MEIS1: variants seen among roughly 807,000 people sequenced by gnomAD.
The protein encoded by MEIS1 is Meis homeobox 1.
In MEIS1, 5 loss-of-function variants were observed where a neutral mutation model predicts 50.8. That is an observed-to-expected ratio of 0.10 (90% CI 0.05 to 0.21). MEIS1 has a LOEUF of 0.21. Among genes scored for constraint, MEIS1 ranks in the 10% least tolerant of loss-of-function variants. The probability of loss-of-function intolerance (pLI) is 1.00; values close to 1 mark genes in which losing one functional copy is unlikely to be tolerated. For missense variants in MEIS1, 318 were observed against 517.3 expected (o/e 0.61, Z 3.74); for synonymous variants, 176 against 179.3 (o/e 0.98, Z 0.15).
chr2:66,454,186 C>G (rs144298165), intron 6 of MEIS1, among the ~76,000 whole-genome samples: 76 of 152,140 alleles, frequency 5.0e-4, no homozygotes, highest in African/African-American at 1.8e-3. Flanking sequence ...ATGAGCACTT[C>G]ATTACATTAT....
intron 6 of MEIS1, among the ~76,000 whole-genome samples, chr2:66,454,190 A>G (rs965781529): frequency 6.6e-6 from 1 of 152,096 alleles, no homozygotes; most frequent in African/African-American, 2.4e-5. Context: ...GCACTTCATT[A>G]CATTATATTT....
chr2:66,540,206 A>C (rs891273263), intron 8 of MEIS1, among the ~76,000 whole-genome samples: 1 of 152,228 alleles, frequency 6.6e-6, no homozygotes, highest in Non-Finnish European at 1.5e-5. Flanking sequence ...TTGTACTGAC[A>C]AATAATGAGT....
intron 8 of MEIS1, among the ~76,000 whole-genome samples, chr2:66,535,747 G>A (rs1674502852): frequency 6.6e-6 from 1 of 151,156 alleles, no homozygotes; most frequent in Non-Finnish European, 1.5e-5. Flanking sequence ...TAAAGATAAA[G>A]GTAATCTGAT....
At chr2:66,543,482 T>C (rs1234365293) in intron 8 of MEIS1, among the ~76,000 whole-genome samples, 1 of 152,322 alleles carries the variant, frequency 6.6e-6, no homozygotes, top group Admixed American at 6.5e-5. Flanking sequence ...TTAGTTTCCC[T>C]TTGAGGCCAG....
intron 8 of MEIS1, among the ~76,000 whole-genome samples, chr2:66,519,272 T>C (rs546072063): frequency 1.3e-5 from 2 of 152,138 alleles, no homozygotes; most frequent in Admixed American, 6.5e-5. Flanking sequence ...CTTTGATAGA[T>C]TGAAAGCCAT....
At chr2:66,559,067 A>C (rs574445402) in intron 9 of MEIS1, among the ~76,000 whole-genome samples, 4 of 151,970 alleles carry the variant, frequency 2.6e-5, no homozygotes, top group Admixed American at 6.6e-5. Context: ...ACTTGAACCC[A>C]GGAGGCAGAA....
At chr2:66,539,553 A>G (rs1029929753) in intron 8 of MEIS1, among the ~76,000 whole-genome samples, 10 of 152,126 alleles carry the variant, frequency 6.6e-5, no homozygotes, top group African/African-American at 2.2e-4. Flanking sequence ...TGAACTTGAG[A>G]ACTTCCTTTG....
intron 6 of MEIS1, among the ~76,000 whole-genome samples, chr2:66,452,686 T>A (rs1672302598): frequency 1.3e-5 from 2 of 151,954 alleles, no homozygotes; most frequent in South Asian, 4.1e-4. Context: ...TTAACCCCCT[T>A]CCTTTCTTTC....
chr2:66,494,433 A>C (rs1244077334), intron 7 of MEIS1, among the ~76,000 whole-genome samples: 1 of 152,240 alleles, frequency 6.6e-6, no homozygotes, highest in Non-Finnish European at 1.5e-5. Flanking sequence ...ACTCTAAAGA[A>C]ATTTATTATC....
chr2:66,455,278 G>A (rs1301858853), intron 6 of MEIS1, among the ~76,000 whole-genome samples: 1 of 152,116 alleles, frequency 6.6e-6, no homozygotes, highest in Admixed American at 6.6e-5. Context: ...ATGGTCAATT[G>A]CCCTTTGGTT....
intron 7 of MEIS1, among the ~76,000 whole-genome samples, chr2:66,494,507 A>G (rs568456032): frequency 6.6e-6 from 1 of 152,330 alleles, no homozygotes; most frequent in African/African-American, 2.4e-5. Flanking sequence ...AGGAAATACA[A>G]TACTGAACAA....
rs187560563 is a variant in MEIS1 at position 66,465,329 on chromosome 2, T to G, written c.742+1109T>G. ...GAAAAGTTGCTGACTTCATCACAACTATAAGCCTAGTAAAAACGGAGCCCA... is the reference window on the plus strand; with the variant it reads ...GAAAAGTTGCTGACTTCATCACAACGATAAGCCTAGTAAAAACGGAGCCCA... On this transcript the variant is annotated intron_variant, in intron 7 of 12. Transcript: ENST00000272369. Among the ~76,000 whole-genome samples, 3 of 152,330 alleles carry G rather than the reference T, an allele frequency of 2.0e-5. No homozygotes were observed. In the East Asian group the frequency reaches 5.8e-4, roughly 29 times the overall value.
chr2:66,533,150 C>G (rs1674434668), intron 8 of MEIS1, among the ~76,000 whole-genome samples: 1 of 152,128 alleles, frequency 6.6e-6, no homozygotes. Flanking sequence ...CCTCTGCTCC[C>G]TTTTCTCGAG....
At chr2:66,487,814 A>G (rs527692620) in intron 7 of MEIS1, among the ~76,000 whole-genome samples, 1 of 152,370 alleles carries the variant, frequency 6.6e-6, no homozygotes, top group South Asian at 2.1e-4. Flanking sequence ...CTAAGAACCA[A>G]GTTGAAAGTT....
At chr2:66,453,714 C>A (rs549016348) in intron 6 of MEIS1, among the ~76,000 whole-genome samples, 1 of 151,686 alleles carries the variant, frequency 6.6e-6, no homozygotes, top group South Asian at 2.1e-4. Context: ...TAGAAGATAC[C>A]CTATTAATAA....
At chr2:66,473,585 G>A (rs1672820596) in intron 7 of MEIS1, among the ~76,000 whole-genome samples, 1 of 151,766 alleles carries the variant, frequency 6.6e-6, no homozygotes, top group African/African-American at 2.4e-5. Flanking sequence ...AAAGTTACAG[G>A]TCCTGCTAAT....
At chr2:66,516,043 A>G (rs1558546522) in intron 8 of MEIS1, among the ~76,000 whole-genome samples, 1 of 152,206 alleles carries the variant, frequency 6.6e-6, no homozygotes, top group East Asian at 1.9e-4. Context: ...TTTGCTGCAT[A>G]GTATTACAAA....
At chr2:66,462,733 T>C (rs1423469685) in intron 6 of MEIS1, among the ~76,000 whole-genome samples, 1 of 152,246 alleles carries the variant, frequency 6.6e-6, no homozygotes, top group African/African-American at 2.4e-5. Flanking sequence ...AGCACTTCTT[T>C]CACAGTTCAC....
At chr2:66,536,696 A>G (rs1674527551) in intron 8 of MEIS1, among the ~76,000 whole-genome samples, 2 of 152,216 alleles carry the variant, frequency 1.3e-5, no homozygotes, top group South Asian at 4.1e-4. Flanking sequence ...GCTAAACAAT[A>G]TTTTCCCAGC....
Sources: allele counts gnomAD v4.1 joint callset (sites outside exome capture counted in the v4.1 genomes callset), GRCh38; gene constraint gnomAD v4.1.1; transcripts MANE v1.5; gene names NCBI Gene and HGNC (gene_info 2026-07-23, HGNC 2026-07-21).